Variants in AUTS2 observed in about 807,000 individuals in gnomAD.
AUTS2 encodes the protein activator of transcription and developmental regulator AUTS2.
AUTS2 carries 17 observed loss-of-function variants against 112.4 expected under a neutral mutation model. The ratio of observed to expected loss-of-function variants is 0.15; its 90% CI spans 0.10 to 0.23. AUTS2 has a LOEUF of 0.23. Among genes scored for constraint, AUTS2 ranks in the 10% least tolerant of loss-of-function variants. AUTS2 has a pLI of 1.00. For synonymous variants in AUTS2, 751 were observed against 702.7 expected, an observed-to-expected ratio of 1.07 and a Z score of -1.09; for missense variants, 1,510 against 1,701.6, an observed-to-expected ratio of 0.89 and a Z score of 1.98.
chr7:69,922,763 A>G (rs1471705325), intron 2 of AUTS2, among the ~76,000 whole-genome samples: 1 of 152,168 alleles, frequency 6.6e-6, no homozygotes, highest in Non-Finnish European at 1.5e-5. Flanking sequence ...GGGTAACTTC[A>G]GACTTGTTAA....
intron 4 of AUTS2, among the ~76,000 whole-genome samples, chr7:70,367,691 G>A (rs1792647758): frequency 6.6e-6 from 1 of 152,138 alleles, no homozygotes; most frequent in Admixed American, 6.5e-5. Flanking sequence ...GCAGTCAGAG[G>A]TATTATTTGA....
intron 6 of AUTS2, among the ~76,000 whole-genome samples, chr7:70,753,643 A>G (rs1789001982): frequency 6.6e-6 from 1 of 152,208 alleles, no homozygotes; most frequent in Admixed American, 6.5e-5. Context: ...GGAGGAAAAT[A>G]AAGTGAAGTG....
intron 4 of AUTS2, among the ~76,000 whole-genome samples, chr7:70,221,898 TAATA>T (rs1287407584): frequency 9.9e-5 from 15 of 152,174 alleles, no homozygotes; most frequent in Non-Finnish European, 2.1e-4. Flanking sequence ...AAAAAAATAA[TAATA>T]AATAAAGAAT....
intron 4 of AUTS2, among the ~76,000 whole-genome samples, chr7:70,266,674 A>C (rs1051631666): frequency 6.6e-6 from 1 of 152,026 alleles, no homozygotes; most frequent in African/African-American, 2.4e-5. Context: ...ATCAAACTGT[A>C]CTCTTAAAAT....
At chr7:70,306,617 C>T (rs1562867725) in intron 4 of AUTS2, among the ~76,000 whole-genome samples, 1 of 152,204 alleles carries the variant, frequency 6.6e-6, no homozygotes. Flanking sequence ...TGAGAAGATA[C>T]TGTAAAGAGA....
At chr7:70,537,384 T>A (rs1800367248) in intron 5 of AUTS2, among the ~76,000 whole-genome samples, 1 of 152,236 alleles carries the variant, frequency 6.6e-6, no homozygotes, top group Admixed American at 6.5e-5. Flanking sequence ...TGCTTAAAAT[T>A]AATTATGACA....
chr7:70,593,630 C>T (rs188241071), intron 5 of AUTS2, among the ~76,000 whole-genome samples: 61 of 152,328 alleles, frequency 4.0e-4, no homozygotes, highest in Non-Finnish European at 8.4e-4. Context: ...AAGGGGTCAC[C>T]AAGCCCTATA....
intron 5 of AUTS2, among the ~76,000 whole-genome samples, chr7:70,559,386 G>A (rs1394155513): frequency 4.6e-5 from 7 of 150,956 alleles, no homozygotes; most frequent in African/African-American, 1.2e-4. Context: ...CCAGGCTGGA[G>A]TGCAGTGGTG....
intron 1 of AUTS2, among the ~76,000 whole-genome samples, chr7:69,794,939 C>G (rs547526317): frequency 1.3e-5 from 2 of 152,230 alleles, no homozygotes; most frequent in Admixed American, 1.3e-4. Flanking sequence ...CATTCCTTCT[C>G]AAAAGGAATG....
intron 5 of AUTS2, among the ~76,000 whole-genome samples, chr7:70,697,982 G>A (rs902290270): frequency 6.6e-5 from 10 of 152,146 alleles, no homozygotes; most frequent in African/African-American, 2.4e-4. Flanking sequence ...AATGCTGGTG[G>A]CATGCATAGT....
At chr7:69,764,052 C>A (rs776041670) in intron 1 of AUTS2, among the ~76,000 whole-genome samples, 5 of 152,276 alleles carry the variant, frequency 3.3e-5, no homozygotes, top group South Asian at 2.1e-4. Context: ...TTATTTGTTT[C>A]TTAACTGGTG....
intron 5 of AUTS2, among the ~76,000 whole-genome samples, chr7:70,487,066 T>G (rs1798040758): frequency 6.6e-6 from 1 of 152,074 alleles, no homozygotes; most frequent in Admixed American, 6.5e-5. Context: ...AGCCCCTCCC[T>G]ATTTGGGAGG....
At chr7:70,753,921 C>G (rs1789020127) in intron 6 of AUTS2, among the ~76,000 whole-genome samples, 1 of 152,144 alleles carries the variant, frequency 6.6e-6, no homozygotes, top group South Asian at 2.1e-4. Flanking sequence ...CTTTGGGAGG[C>G]CGAGGCGGGT....
At chr7:70,169,275 G>T (rs1323123835) in intron 4 of AUTS2, among the ~76,000 whole-genome samples, 4 of 151,756 alleles carry the variant, frequency 2.6e-5, no homozygotes, top group South Asian at 4.2e-4. Context: ...GCATCTCACT[G>T]TGTCACCCAG....
At chr7:70,577,170 G>A (rs1802205566) in intron 5 of AUTS2, among the ~76,000 whole-genome samples, 1 of 152,172 alleles carries the variant, frequency 6.6e-6, no homozygotes, top group African/African-American at 2.4e-5. Flanking sequence ...GCAGAGTTAC[G>A]AATAATTGAG....
chr7:70,088,191 T>C (rs1294296199), intron 2 of AUTS2, among the ~76,000 whole-genome samples: 2 of 152,156 alleles, frequency 1.3e-5, no homozygotes, highest in African/African-American at 4.8e-5. Context: ...TGGCGTGATC[T>C]CAGATCACTG....
At chr7:70,204,381 T>C (rs1236301824) in intron 4 of AUTS2, among the ~76,000 whole-genome samples, 1 of 152,214 alleles carries the variant, frequency 6.6e-6, no homozygotes, top group East Asian at 1.9e-4. Context: ...GTCATTTTTC[T>C]TTAAAATTTG....
intron 2 of AUTS2, among the ~76,000 whole-genome samples, chr7:69,963,219 A>T (rs979891752): frequency 1.3e-5 from 2 of 152,278 alleles, no homozygotes; most frequent in East Asian, 3.9e-4. Context: ...AGTTATTAAT[A>T]ATAATAATAA....
intron 2 of AUTS2, among the ~76,000 whole-genome samples, chr7:69,939,161 C>T (rs1796529253): frequency 6.6e-6 from 1 of 152,116 alleles, no homozygotes; most frequent in Admixed American, 6.5e-5. Context: ...GCTGGTGACA[C>T]CTCCCAGTTT....
Sources: allele counts gnomAD v4.1 joint callset (sites outside exome capture counted in the v4.1 genomes callset), GRCh38; gene constraint gnomAD v4.1.1; transcripts MANE v1.5; gene names NCBI Gene and HGNC (gene_info 2026-07-23, HGNC 2026-07-21).